TMTC1: variants seen among roughly 807,000 people sequenced by gnomAD.
TMTC1 encodes the protein transmembrane O-mannosyltransferase targeting cadherins 1.
Under a neutral mutation model 104.8 loss-of-function variants are expected in TMTC1, and 73 were observed. The observed-to-expected ratio is 0.70, with a 90% CI of 0.58 to 0.85. The LOEUF (loss-of-function observed/expected upper bound fraction) is 0.85. TMTC1 is among the 40% of genes least tolerant of loss of function. The pLI is 0.00. For missense variants in TMTC1, 1,035 were observed against 1,096.1 expected (o/e 0.94, Z 0.79); for synonymous variants, 434 against 428.7 (o/e 1.01, Z -0.15).
intron 7 of TMTC1, among the ~76,000 whole-genome samples, chr12:29,602,080 C>A (rs375959809): frequency 3.6e-4 from 54 of 151,878 alleles, no homozygotes; most frequent in African/African-American, 1.2e-3. Flanking sequence ...GTGATCTGCC[C>A]GCCTCGGCCT....
chr12:29,585,832 G>A (rs1184713515), intron 7 of TMTC1, among the ~76,000 whole-genome samples: 1 of 152,138 alleles, frequency 6.6e-6, no homozygotes, highest in Admixed American at 6.5e-5. Context: ...TGCTGTTTTG[G>A]TTACTGTAGG....
At chr12:29,531,734 T>C (rs1322320400) in intron 11 of TMTC1, among the ~76,000 whole-genome samples, 1 of 152,138 alleles carries the variant, frequency 6.6e-6, no homozygotes, top group Non-Finnish European at 1.5e-5. Context: ...CTGTTCTCAG[T>C]TTTCTTGACT....
Position 29,583,409 on chromosome 12 carries a change from G to C in TMTC1, c.1416C>G (p.Phe472Leu). 4 of 1,613,720 alleles carry C rather than the reference G, an allele frequency of 2.5e-6. No individual in the cohort carries two copies. The highest frequency in any genetic ancestry group is 3.4e-6 in the Non-Finnish European group (4 of 1,179,768). The change falls in exon 8 of 18, where the codon TTC becomes TTG. Residue 472 changes from phenylalanine to leucine, a missense_variant and splice_region_variant. Phe to Leu is a conservative substitution (Grantham distance 22, BLOSUM62 0). Transcript: ENST00000539277. ...NEIWLSRESL[F>L]RSGVQTLPHN... ...TATTTTTATCTGTCTAGTCATACCT[G>C]AATAGGGACTCTCTTGACAGCCAAA...
chr12:29,520,424 G>C (rs1944115059), intron 12 of TMTC1, among the ~76,000 whole-genome samples, 194 bp downstream of exon 12: 1 of 152,158 alleles, frequency 6.6e-6, no homozygotes, highest in Non-Finnish European at 1.5e-5. Context: ...ATGAGTATGA[G>C]AATGGCCAGA....
upstream of TMTC1, among the ~76,000 whole-genome samples, chr12:29,784,070 T>C (rs1378192156): frequency 6.9e-6 from 1 of 145,778 alleles, no homozygotes; most frequent in Non-Finnish European, 1.5e-5. Flanking sequence ...CCCGGCGCCC[T>C]CTGCCCCCGG....
chr12:29,580,857 T>C (rs177254), intron 8 of TMTC1, among the ~76,000 whole-genome samples: 80,372 of 151,604 alleles, frequency 0.53, 24,368 homozygotes, highest in Non-Finnish European at 0.66. Context: ...AATATGTTCA[T>C]GTGTCTGCTT....
intron 9 of TMTC1, among the ~76,000 whole-genome samples, chr12:29,564,876 G>A (rs934443620): frequency 6.6e-6 from 1 of 151,984 alleles, no homozygotes; most frequent in South Asian, 2.1e-4. Context: ...AGGAAGCAAA[G>A]GATTTAAACA....
intron 7 of TMTC1, among the ~76,000 whole-genome samples, chr12:29,591,652 T>C (rs1158911086): frequency 4.6e-5 from 7 of 152,162 alleles, no homozygotes; most frequent in Non-Finnish European, 1.0e-4. Context: ...TGGTGGTATC[T>C]CCAGTTTTGA....
At chr12:29,554,874 T>C (rs993223328) in intron 10 of TMTC1, among the ~76,000 whole-genome samples, 2 of 152,102 alleles carry the variant, frequency 1.3e-5, no homozygotes, top group Admixed American at 1.3e-4. Context: ...AATATACATA[T>C]AAAGAAGCAC....
chr12:29,706,896 TA>T (rs1941761264), intron 5 of TMTC1, among the ~76,000 whole-genome samples: 1 of 151,900 alleles, frequency 6.6e-6, no homozygotes, highest in Non-Finnish European at 1.5e-5. Flanking sequence ...AAATCAAATA[TA>T]AAAAACAGCT....
chr12:29,567,807 G>A (rs929209306), intron 9 of TMTC1, among the ~76,000 whole-genome samples: 2 of 151,952 alleles, frequency 1.3e-5, no homozygotes, highest in Non-Finnish European at 2.9e-5. Flanking sequence ...TGTGCCTTAG[G>A]GTCTGCCTTA....
chr12:29,633,093 G>A (rs1168442867), intron 6 of TMTC1, 54 bp downstream of exon 6: 1 of 1,501,388 alleles, frequency 6.7e-7, no homozygotes, highest in Non-Finnish European at 9.2e-7. Context: ...AACATTATAG[G>A]CATAGAATAT....
At chr12:29,632,514 T>G (rs942031618) in intron 6 of TMTC1, among the ~76,000 whole-genome samples, 1 of 152,174 alleles carries the variant, frequency 6.6e-6, no homozygotes, top group Non-Finnish European at 1.5e-5. Context: ...CTCATTATTC[T>G]CTTTCCTGCC....
chr12:29,724,656 C>G (rs1235122547), intron 5 of TMTC1, among the ~76,000 whole-genome samples: 1 of 152,082 alleles, frequency 6.6e-6, no homozygotes, highest in African/African-American at 2.4e-5. Context: ...AATAGCAAGT[C>G]ACCAAATTAC....
At chr12:29,718,099 C>A (rs758608267) in intron 5 of TMTC1, among the ~76,000 whole-genome samples, 1 of 152,118 alleles carries the variant, frequency 6.6e-6, no homozygotes, top group Non-Finnish European at 1.5e-5. Context: ...AACACACTCA[C>A]CAAAACAAAC....
chr12:29,771,271 T>A (rs1943588541), intron 1 of TMTC1, among the ~76,000 whole-genome samples: 1 of 152,152 alleles, frequency 6.6e-6, no homozygotes, highest in African/African-American at 2.4e-5. Context: ...TCTAACAGGA[T>A]TAGACGGAAT....
At chr12:29,773,252 G>C (rs1004552733) in intron 1 of TMTC1, among the ~76,000 whole-genome samples, 4 of 152,076 alleles carry the variant, frequency 2.6e-5, no homozygotes, top group African/African-American at 7.2e-5. Flanking sequence ...CCCAGGAAAG[G>C]GTATGGGGTC....
intron 5 of TMTC1, among the ~76,000 whole-genome samples, chr12:29,734,165 G>C (rs1203040173): frequency 6.6e-6 from 1 of 152,102 alleles, no homozygotes; most frequent in Non-Finnish European, 1.5e-5. Flanking sequence ...CTTAAACTAT[G>C]ATTCTCTTTT....
At chr12:29,601,299 C>T (rs1279361963) in intron 7 of TMTC1, among the ~76,000 whole-genome samples, 2 of 152,164 alleles carry the variant, frequency 1.3e-5, no homozygotes, top group Admixed American at 6.5e-5. Context: ...TATGAGCTTC[C>T]GTAACATTTA....
Sources: gnomAD v4.1 joint callset for allele counts (sites outside exome capture counted in the v4.1 genomes callset) on GRCh38, gnomAD v4.1.1 for gene constraint, MANE v1.5 for transcripts, NCBI Gene and HGNC (gene_info 2026-07-23, HGNC 2026-07-21) for gene names.